MYO5C: variants seen among roughly 807,000 people sequenced by gnomAD.
MYO5C encodes unconventional myosin-Vc.
MYO5C carries 194 observed loss-of-function variants against 235.7 expected under a neutral mutation model. The observed-to-expected ratio is 0.82, with a 90% CI of 0.73 to 0.93. The LOEUF (loss-of-function observed/expected upper bound fraction) is 0.93. MYO5C is among the 40% of genes least tolerant of loss of function. The pLI is 0.00. For synonymous variants in MYO5C, 707 were observed against 754.8 expected (o/e 0.94, Z 1.04); for missense variants, 2,038 against 2,127.2 (o/e 0.96, Z 0.82).
intron 20 of MYO5C, among the ~76,000 whole-genome samples, chr15:52,241,099 T>C (rs1452574776): frequency 2.6e-5 from 4 of 152,180 alleles, no homozygotes; most frequent in Non-Finnish European, 5.9e-5. Flanking sequence ...TGCTTTGTAT[T>C]AGTCAGTGCT....
intron 8 of MYO5C, among the ~76,000 whole-genome samples, chr15:52,266,526 A>T (rs992171473): frequency 3.9e-5 from 6 of 152,174 alleles, no homozygotes; most frequent in Non-Finnish European, 2.9e-5. Context: ...GGCGAAGGGA[A>T]CACTGCCTCA....
At chr15:52,208,494 C>T (rs1308848264) in intron 36 of MYO5C, 60 bp downstream of exon 36, 7 of 1,500,896 alleles carry the variant, frequency 4.7e-6, no homozygotes, top group Non-Finnish European at 5.6e-6. Context: ...AGCTCTGGCT[C>T]AGGAGGAGGT....
In MYO5C at chr15:52,218,538, C is replaced by T. The variant is rs770508177; in HGVS notation, c.3935G>A (p.Arg1312Gln). ...TCTCACCCTGTTTTCCAAAGTGAGC[C>T]GGGATGCTTCCTGCCGGAAGTTACA... ...VKCNFRQEAS[R>Q]LTLENRDLEE... Residue 1312 changes from arginine to glutamine, a missense_variant, in exon 32 of 41, where the codon CGG (arginine) becomes CAG (glutamine). Arg to Gln is a conservative substitution (Grantham distance 43). Coordinates refer to ENST00000261839, the MANE Select transcript of MYO5C (RefSeq NM_018728.4). 14 of 1,614,166 alleles carry T rather than the reference C, an allele frequency of 8.7e-6. No individual in the cohort carries two copies. The highest frequency in any genetic ancestry group is 8.3e-5 in the Admixed American group (5 of 60,018).
At chr15:52,271,322 G>A (rs909845138) in intron 7 of MYO5C, among the ~76,000 whole-genome samples, 9 of 151,638 alleles carry the variant, frequency 5.9e-5, no homozygotes, top group East Asian at 3.9e-4. Flanking sequence ...TCCATCTCCC[G>A]GGTTCAAGCA....
chr15:52,225,043 C>T, intron 27 of MYO5C, 32 bp downstream of exon 27: 1 of 1,612,926 alleles, frequency 6.2e-7, no homozygotes. Flanking sequence ...GTTTACATGT[C>T]TTAAAATGTT....
At chr15:52,280,528 A>G (rs752448657) in intron 2 of MYO5C, among the ~76,000 whole-genome samples, 1 of 152,186 alleles carries the variant, frequency 6.6e-6, no homozygotes, top group Non-Finnish European at 1.5e-5. Flanking sequence ...GTGAAGCCCA[A>G]CTAAAGCGAC....
intron 38 of MYO5C, among the ~76,000 whole-genome samples, chr15:52,201,526 A>C (rs2035186735): frequency 6.6e-6 from 1 of 152,182 alleles, no homozygotes; most frequent in African/African-American, 2.4e-5. Flanking sequence ...GGAATACTAA[A>C]ATACTTTCTT....
chr15:52,235,515 CA>C (rs1164699220), intron 23 of MYO5C, among the ~76,000 whole-genome samples, 154 bp downstream of exon 23: 2 of 152,186 alleles, frequency 1.3e-5, no homozygotes, highest in Non-Finnish European at 2.9e-5. Flanking sequence ...GCAAAGTTAC[CA>C]CGACTTAAAT....
At position 52,251,530 on chromosome 15, in the gene MYO5C, T is replaced by C; in HGVS notation, c.1537-15A>G. On this transcript the variant is annotated splice_polypyrimidine_tract_variant and intron_variant, in intron 12 of 40. Coordinates refer to ENST00000261839, the MANE Select transcript of MYO5C (RefSeq NM_018728.4). The stretch of plus-strand genomic sequence containing the variant: ...CCATGTGGTAACTGGAAAAGAAAAA[T>C]AAACCAAATAGCAAGTAAGAAAACC... 1.3e-6 allele frequency: 2 copies of C among 1,582,844 alleles called. No homozygotes were observed.
At chr15:52,251,613 C>G (rs2036474836) in intron 12 of MYO5C, 98 bp from the exon 13 acceptor site, 1 of 687,998 alleles carries the variant, frequency 1.5e-6, no homozygotes, top group Non-Finnish European at 2.3e-6. Context: ...TGATTTGGCA[C>G]TTAGTGAACT....
At position 52,196,432 on chromosome 15, in the gene MYO5C, G is replaced by A; in HGVS notation, c.4872C>T (p.Asn1624=). 6.2e-7 allele frequency: 1 copy of A among 1,614,172 alleles called. No individual in the cohort carries two copies. Among genetic ancestry groups the A allele is most frequent in the Non-Finnish European group, 8.5e-7 (1 of 1,180,010 alleles). ...GCTCCAAAGTTTCCTTTGCTAAGCT[G>A]TTCTGCAAGTTCTTATCTTTAAGCC... ...EEWLKDKNLQ[N]SLAKETLEPL... is the part of the protein sequence containing the mutation. Residue 1624 remains asparagine (N), a synonymous_variant, in exon 39 of 41, where the codon AAC becomes AAT. Transcript: ENST00000261839.
At chr15:52,272,974 G>A (rs573245945) in intron 5 of MYO5C, among the ~76,000 whole-genome samples, 1 of 152,332 alleles carries the variant, frequency 6.6e-6, no homozygotes, top group East Asian at 1.9e-4. Flanking sequence ...CACAGGTTCT[G>A]ATGTTTCAGG....
intron 19 of MYO5C, chr15:52,243,521 C>G (rs8025608): frequency 6.6e-6 from 1 of 152,266 alleles, no homozygotes; most frequent in Non-Finnish European, 1.5e-5. Context: ...TGCCACACCA[C>G]GCTGGTCATG....
At chr15:52,207,559 A>C (rs2035347929) in intron 36 of MYO5C, among the ~76,000 whole-genome samples, 2 of 152,262 alleles carry the variant, frequency 1.3e-5, no homozygotes, top group African/African-American at 2.4e-5. Context: ...ATAGGTAAAA[A>C]CATAATTAAT....
rs577515710 is a variant in MYO5C at position 52,208,341 on chromosome 15, A to G, written c.4386+213T>C. Reference sequence around the variant, plus strand: ...AGTCATCTTATCTACCTATTGATTTAAAAGTAATGGAGACCTAGGAGGCCT... The same window carrying G: ...AGTCATCTTATCTACCTATTGATTTGAAAGTAATGGAGACCTAGGAGGCCT... On this transcript the variant is annotated intron_variant, in intron 36 of 40. Coordinates refer to ENST00000261839, the MANE Select transcript of MYO5C (RefSeq NM_018728.4). Among the ~76,000 whole-genome samples, 43 of 152,346 alleles carry G rather than the reference A, an allele frequency of 2.8e-4. No individual in the cohort carries two copies. In the South Asian group the frequency reaches 6.4e-3, roughly 23 times the overall value.
intron 37 of MYO5C, 110 bp from the exon 38 acceptor site, chr15:52,205,257 T>A: frequency 1.7e-6 from 2 of 1,211,846 alleles, no homozygotes; most frequent in Non-Finnish European, 2.3e-6. Flanking sequence ...CAAGAGTCAG[T>A]GGATGTACTT....
intron 30 of MYO5C, 31 bp downstream of exon 30, chr15:52,221,131 C>T: frequency 1.9e-6 from 3 of 1,560,402 alleles, no homozygotes; most frequent in Non-Finnish European, 2.6e-6. Flanking sequence ...AAACCGTTTT[C>T]TAAAAGCAGG....
intron 37 of MYO5C, 153 bp downstream of exon 37, chr15:52,205,663 G>A (rs1338638984): frequency 1.7e-5 from 8 of 458,302 alleles, no homozygotes; most frequent in Admixed American, 3.9e-5. Flanking sequence ...TTATAAGCAA[G>A]CAAAGAATTA....
intron 22 of MYO5C, chr15:52,237,186 T>C (rs2036104873): frequency 3.9e-6 from 1 of 253,866 alleles, no homozygotes; most frequent in African/African-American, 2.3e-5. Flanking sequence ...AAGGTCATCC[T>C]GGAAGAAAGG....
Sources: allele counts gnomAD v4.1 joint callset (sites outside exome capture counted in the v4.1 genomes callset), GRCh38; gene constraint gnomAD v4.1.1; transcripts MANE v1.5; gene names NCBI Gene and HGNC (gene_info 2026-07-23, HGNC 2026-07-21).